KDM2B: variants seen among roughly 807,000 people sequenced by gnomAD.
KDM2B encodes the protein lysine demethylase 2B, also known as lysine-specific demethylase 2B.
KDM2B carries 26 observed loss-of-function variants against 150.0 expected under a neutral mutation model. That is an observed-to-expected ratio of 0.17 (90% confidence interval 0.13 to 0.24). KDM2B has a LOEUF of 0.24. KDM2B is among the 10% of genes least tolerant of loss of function. The probability of loss-of-function intolerance (pLI) is 1.00; values close to 1 mark genes in which losing one functional copy is unlikely to be tolerated. For missense variants in KDM2B, 1,265 were observed against 1,816.9 expected, an observed-to-expected ratio of 0.70 and a Z score of 5.52; for synonymous variants, 734 against 729.5, an observed-to-expected ratio of 1.01 and a Z score of -0.10.
intron 12 of KDM2B, among the ~76,000 whole-genome samples, chr12:121,461,405 G>A (rs1339902081): frequency 6.6e-6 from 1 of 152,170 alleles, no homozygotes; most frequent in Non-Finnish European, 1.5e-5. Context: ...TGGCAACAGT[G>A]AGGGGAGTGG....
intron 1 of KDM2B, 129 bp downstream of exon 1, chr12:121,580,657 C>G: frequency 2.2e-6 from 3 of 1,346,038 alleles, no homozygotes; most frequent in South Asian, 1.5e-5. Flanking sequence ...AAATGCAAGC[C>G]GAGCATGCTG....
chr12:121,440,785 C>T, intron 21 of KDM2B, 31 bp downstream of exon 21: 1 of 1,579,842 alleles, frequency 6.3e-7, no homozygotes, highest in Non-Finnish European at 8.6e-7. Flanking sequence ...CTCACCCCAC[C>T]CCCACAGAAA....
chr12:121,561,899 C>T (rs1890363578), intron 4 of KDM2B, among the ~76,000 whole-genome samples: 1 of 152,206 alleles, frequency 6.6e-6, no homozygotes. Flanking sequence ...AGGCCGGGAG[C>T]GGTGGCTCAT....
At chr12:121,417,663 C>G in the KDM2B span, 14 of 1,614,040 alleles carry the variant, frequency 8.7e-6, no homozygotes, top group Non-Finnish European at 1.2e-5. The surrounding 1 kb of genome is among the most constrained non-coding windows in gnomAD (Gnocchi z 5.0). Flanking sequence ...GTATCTCATT[C>G]TGAGAAATAT....
chr12:121,582,060 G>A (rs1208977309), upstream of KDM2B, among the ~76,000 whole-genome samples: 1 of 152,206 alleles, frequency 6.6e-6, no homozygotes, highest in Non-Finnish European at 1.5e-5. Flanking sequence ...TGGCTGCTGC[G>A]TGCAATCAGT....
At chr12:121,506,864 A>G (rs1278262947) in intron 11 of KDM2B, among the ~76,000 whole-genome samples, 1 of 152,050 alleles carries the variant, frequency 6.6e-6, no homozygotes, top group African/African-American at 2.4e-5. Context: ...TGAACCCCAG[A>G]GGTGGAGGTT....
intron 4 of KDM2B, among the ~76,000 whole-genome samples, chr12:121,569,151 T>C (rs1005502006): frequency 5.9e-5 from 9 of 152,228 alleles, no homozygotes; most frequent in Non-Finnish European, 8.8e-5. Context: ...CTCTCACGTC[T>C]GTTAGGGCTG....
At chr12:121,450,142 T>C (rs1432957982) in intron 13 of KDM2B, among the ~76,000 whole-genome samples, 4 of 151,802 alleles carry the variant, frequency 2.6e-5, no homozygotes, top group African/African-American at 9.7e-5. Context: ...AGTGAAACCC[T>C]GCCTCTACCA....
At position 121,521,030 on chromosome 12, in the gene KDM2B, G is replaced by C; in HGVS notation, c.1002C>G (p.Asn334Lys). The change falls in exon 9 of 23, where the codon AAC becomes AAG. Residue 334 changes from asparagine to lysine, a missense_variant. By Grantham distance (94) the Asn-to-Lys change is moderately conservative. This residue lies in a region of KDM2B where 214 missense variants were observed against 447.4 expected (regional missense o/e 0.48). Coordinates refer to ENST00000377071, the MANE Select transcript of KDM2B (RefSeq NM_032590.5). The surrounding 1 kb of genome is among the most constrained non-coding windows in gnomAD (Gnocchi z 4.9). ...CGTAGATCCGCAGCTGCATGGGCAC[G>C]TTAAAGCTGTGCAGGATGTTTCCGC... is the stretch of plus-strand genomic sequence containing the variant. ...VFGGNILHSF[N>K]VPMQLRIYEI... 6.2e-7 allele frequency: 1 copy of C among 1,614,074 alleles called. No homozygotes were observed. Among genetic ancestry groups the C allele is most frequent in the Non-Finnish European group, 8.5e-7 (1 of 1,179,992 alleles).
At position 121,441,318 on chromosome 12, in the gene KDM2B, A is replaced by G; in HGVS notation, c.3285-85T>C. The G allele has an allele frequency of 5.2e-6, 7 of 1,345,128 alleles. 1 individual carries two copies. In the South Asian group the frequency reaches 9.1e-5, roughly 18 times the overall value. 83.3% of individuals were successfully genotyped at this position (1,345,128 alleles called of 1,614,324 possible). On this transcript the variant is annotated intron_variant, in intron 19 of 22. Transcript: ENST00000377071. ...ACACAGCTCTTAACTGTCCCCACCT[A>G]ACAACCTCTGGGAGGCTCCTTAACT...
rs1872735583 is a variant in KDM2B, at chr12:121,429,850, C to G, written c.*438G>C. 1.8e-6 allele frequency: 1 copy of G among 569,462 alleles called. No individual in the cohort carries two copies. The highest frequency in any genetic ancestry group is 2.5e-5 in the South Asian group (1 of 40,468). The allele number at this position is 569,462 out of a possible 1,614,324, so 35.3% of individuals were successfully genotyped here. ...ATAATGTAAGATGTAACAAAACCAA[C>G]CAAACAAAAAAAAGTGTCAAGACGG... On this transcript the variant is annotated 3_prime_UTR_variant, in exon 23 of 23. Coordinates refer to ENST00000377071, the MANE Select transcript of KDM2B (RefSeq NM_032590.5).
rs1363886827 is a variant in KDM2B at position 121,481,881 on chromosome 12, C to T, written c.1734+12698G>A. 5.9e-5 allele frequency among the ~76,000 whole-genome samples: 9 copies of T among 152,138 alleles called. No homozygotes were observed. The South Asian group carries it at 1.5e-3, about 25-fold the overall frequency. On this transcript the variant is annotated intron_variant, in intron 12 of 22. Coordinates refer to ENST00000377071, the MANE Select transcript of KDM2B (RefSeq NM_032590.5). ...GCAACCTCTGCCACCCAGGTTCAAG[C>T]GATTTTCCTGCCTCAGCCTCCCAAG...
intron 12 of KDM2B, among the ~76,000 whole-genome samples, chr12:121,457,211 A>C (rs564172160): frequency 6.6e-6 from 1 of 152,184 alleles, no homozygotes; most frequent in Non-Finnish European, 1.5e-5. Context: ...CTCTGTCCTG[A>C]TATCTTTTGG....
chr12:121,534,165 C>A (rs756586169), intron 7 of KDM2B, among the ~76,000 whole-genome samples: 1 of 151,988 alleles, frequency 6.6e-6, no homozygotes, highest in Non-Finnish European at 1.5e-5. Context: ...CTGGCTAACA[C>A]GGTGAAACCC....
At chr12:121,484,996 A>T (rs1220435499) in intron 12 of KDM2B, among the ~76,000 whole-genome samples, 1 of 152,120 alleles carries the variant, frequency 6.6e-6, no homozygotes, top group Admixed American at 6.6e-5. Context: ...ATCTGGGCAC[A>T]GACCCTTACA....
chr12:121,513,494 G>A lies in KDM2B; in HGVS notation c.1048-92C>T. 1 of 1,407,664 alleles carries A rather than the reference G, an allele frequency of 7.1e-7. No individual in the cohort carries two copies. The highest frequency in any genetic ancestry group is 9.9e-7 in the Non-Finnish European group (1 of 1,008,342). 87.2% of individuals were successfully genotyped at this position (1,407,664 alleles called of 1,614,324 possible). ...AGTGCGGGGCAGGCTCCCTGCAGGT[G>A]AGGGTCACTGTCATCATCTTAGCGA... On this transcript the variant is annotated intron_variant, in intron 9 of 22. Coordinates refer to ENST00000377071, the MANE Select transcript of KDM2B (RefSeq NM_032590.5). The surrounding 1 kb of genome is among the most constrained non-coding windows in gnomAD (Gnocchi z 5.0).
rs781996080 is a variant in KDM2B at position 121,430,019 on chromosome 12, C to T, written c.*269G>A. On this transcript the variant is annotated 3_prime_UTR_variant, in exon 23 of 23. Transcript: ENST00000377071. The surrounding 1 kb of genome is among the most constrained non-coding windows in gnomAD (Gnocchi z 4.4). ...TGAGAATTTCTCCGAAGTCCACCCT[C>T]CTCTCCGACAGGAATGTCTTCTTGT... The T allele has an allele frequency of 1.9e-6, 2 of 1,054,480 alleles. No homozygotes were observed. Among genetic ancestry groups the T allele is most frequent in the South Asian group, 2.5e-5 (2 of 79,600 alleles). The allele number at this position is 1,054,480 out of a possible 1,614,324, so 65.3% of individuals were successfully genotyped here.
rs1202317755 is a variant in KDM2B, at chr12:121,467,976, G to C, written c.1735-14632C>G. ...GCGGTTGGGCTGGGCCGGCCTCCTG[G>C]CGCTGCACCTCCGGCACTCGGGTTC... On this transcript the variant is annotated intron_variant, in intron 12 of 22. Coordinates refer to ENST00000377071, the MANE Select transcript of KDM2B (RefSeq NM_032590.5). The surrounding 1 kb of genome is among the most constrained non-coding windows in gnomAD (Gnocchi z 5.1). The C allele has an allele frequency of 1.3e-5, 2 of 152,724 alleles. No homozygotes were observed. Among genetic ancestry groups the C allele is most frequent in the African/African-American group, 4.8e-5 (2 of 41,462 alleles). The allele number at this position is 152,724 out of a possible 1,614,324, so 9.5% of individuals were successfully genotyped here.
chr12:121,455,117 T>C (rs1878019132), intron 12 of KDM2B, among the ~76,000 whole-genome samples: 1 of 152,108 alleles, frequency 6.6e-6, no homozygotes, highest in Non-Finnish European at 1.5e-5. Flanking sequence ...TCCCACAGCA[T>C]TCAAGGAGCT....
Sources: gnomAD v4.1 joint callset for allele counts (sites outside exome capture counted in the v4.1 genomes callset) on GRCh38, gnomAD v4.1.1 for gene constraint, gnomAD v4.1.1 regional missense constraint, Gnocchi (gnomAD v3.1) non-coding constraint, MANE v1.5 for transcripts, NCBI Gene and HGNC (gene_info 2026-07-23, HGNC 2026-07-21) for gene names.